LHX6: variants seen among roughly 807,000 people sequenced by gnomAD.
The protein encoded by LHX6 is LIM/homeobox protein Lhx6.
In LHX6, 15 loss-of-function variants were observed where a neutral mutation model predicts 47.1. The observed-to-expected ratio is 0.32, with a 90% CI of 0.21 to 0.49. The LOEUF (loss-of-function observed/expected upper bound fraction) is 0.49, where lower values mean the gene tolerates loss of function less well. Among genes scored for constraint, LHX6 ranks in the 20% least tolerant of loss-of-function variants. The pLI is 0.99. For missense variants in LHX6, 404 were observed against 539.6 expected (o/e 0.75, Z 2.49); for synonymous variants, 242 against 233.5 (o/e 1.04, Z -0.33).
rs1831209058 is a variant in LHX6 at position 122,228,560 on chromosome 9, C to T, written c.84+97G>A. On this transcript the variant is annotated intron_variant, in intron 1 of 9. Transcript: ENST00000394319. ...TCACAGGCGCACCCTCGTACCCCTC[C>T]TTCCTGCAACCGCCCGCCACCCTGC... 1.1e-5 allele frequency: 15 copies of T among 1,349,366 alleles called. No homozygotes were observed. In the South Asian group the frequency reaches 2.5e-4, roughly 23 times the overall value. 83.6% of individuals were successfully genotyped at this position (1,349,366 alleles called of 1,614,324 possible).
chr9:122,204,503 C>G lies in LHX6; in HGVS notation c.*257G>C, dbSNP rs1830095213. On this transcript the variant is annotated 3_prime_UTR_variant, in exon 10 of 10. Coordinates refer to ENST00000394319, the MANE Select transcript of LHX6 (RefSeq NM_014368.5). ...CTCCTGTTTAAATGGGAAAAACAGG[C>G]TGTTTCCACCCTGATTCCAGATTTC... The G allele has an allele frequency of 4.8e-6, 2 of 415,800 alleles. No homozygotes were observed. The highest frequency in any genetic ancestry group is 1.8e-4 in the South Asian group (2 of 11,114). The allele number at this position is 415,800 out of a possible 1,614,324, so 25.8% of individuals were successfully genotyped here. A position where few individuals can be genotyped will look rare whatever the true frequency, so the allele number is the denominator to read the frequency against.
chr9:122,227,018 C>T lies in LHX6; in HGVS notation c.169G>A (p.Ala57Thr), dbSNP rs1831132063. 1.3e-6 allele frequency: 2 copies of T among 1,503,534 alleles called. No individual in the cohort carries two copies. The allele number at this position is 1,503,534 out of a possible 1,614,324, so 93.1% of individuals were successfully genotyped here. A position where few individuals can be genotyped will look rare whatever the true frequency, so the allele number is the denominator to read the frequency against. ...TCCAGAGCTCCTGCCAGGGCCTCGG[C>T]GTCAGACTGAGCCTGCGGCGGGGGA... ...TAPPAMAQSDAEALAGALDKD... is the reference protein window; with the variant it reads ...TAPPAMAQSDTEALAGALDKD... The change falls in exon 3 of 10, where the codon GCC becomes ACC. Residue 57 changes from alanine to threonine, a missense_variant. Physicochemically the swap from Ala to Thr is moderately conservative, Grantham distance 58. Transcript: ENST00000394319.
chr9:122,208,082 C>T (rs1370201381), intron 9 of LHX6, among the ~76,000 whole-genome samples: 2 of 152,140 alleles, frequency 1.3e-5, no homozygotes, highest in African/African-American at 2.4e-5. Context: ...AAGACTGCTA[C>T]AGTGATGTTT....
chr9:122,226,454 A>G lies in LHX6; in HGVS notation c.383T>C (p.Val128Ala). The change falls in exon 4 of 10, where the codon GTG becomes GCG. Residue 128 changes from valine to alanine, a missense_variant. Physicochemically the swap from Val to Ala is moderately conservative, Grantham distance 64 (BLOSUM62 0). Transcript: ENST00000394319. This position sits in a 1 kb window ranked among gnomAD's most constrained non-coding sequence, Gnocchi z 6.5. ...IWHVRCLECSVCRTSLRQQNS... is the reference protein window; with the variant it reads ...IWHVRCLECSACRTSLRQQNS... The stretch of plus-strand genomic sequence containing the variant: ...CTGCTGCCTCAGCGACGTGCGACAC[A>G]CGGAGCACTCGAGGCACCGCACGTG... 6.2e-7 allele frequency: 1 copy of G among 1,613,602 alleles called. No homozygotes were observed. Among genetic ancestry groups the G allele is most frequent in the South Asian group, 1.1e-5 (1 of 91,064 alleles).
Position 122,226,693 on chromosome 9 carries a change from G to A in LHX6, c.339+155C>T, listed in dbSNP as rs930763727. On this transcript the variant is annotated intron_variant, in intron 3 of 9. Coordinates refer to ENST00000394319, the MANE Select transcript of LHX6 (RefSeq NM_014368.5). The surrounding 1 kb of genome is among the most constrained non-coding windows in gnomAD (Gnocchi z 6.5). ...CTTATTTTTCAGACGGAACCCGGGG[G>A]CTCAGGCAGACCCTAAGTCTTGCCC... 2 of 1,201,078 alleles carry A rather than the reference G, an allele frequency of 1.7e-6. No individual in the cohort carries two copies. The highest frequency in any genetic ancestry group is 2.8e-5 in the Admixed American group (1 of 35,324). The allele number at this position is 1,201,078 out of a possible 1,614,324, so 74.4% of individuals were successfully genotyped here.
chr9:122,209,419 G>A (rs1830313255), intron 9 of LHX6, among the ~76,000 whole-genome samples, 195 bp downstream of exon 9: 1 of 152,244 alleles, frequency 6.6e-6, no homozygotes, highest in Non-Finnish European at 1.5e-5. Flanking sequence ...CTTCGGAGTG[G>A]CCATGCACAC....
chr9:122,220,390 A>G (rs1655310396), intron 4 of LHX6, among the ~76,000 whole-genome samples: 1 of 152,166 alleles, frequency 6.6e-6, no homozygotes, highest in African/African-American at 2.4e-5. Context: ...TGCATTGCAG[A>G]CTGCCCTGCA....
Position 122,204,620 on chromosome 9 carries a change from C to T in LHX6, c.*140G>A, listed in dbSNP as rs536307841. ...GAGGGAAAGGCCAGGCCTCGGGAACCGACCTGGTGGTGGGCAGGATGGCGG... is the reference window on the plus strand; with the variant it reads ...GAGGGAAAGGCCAGGCCTCGGGAACTGACCTGGTGGTGGGCAGGATGGCGG... On this transcript the variant is annotated 3_prime_UTR_variant, in exon 10 of 10. Coordinates refer to ENST00000394319, the MANE Select transcript of LHX6 (RefSeq NM_014368.5). The T allele has an allele frequency of 8.9e-6, 9 of 1,015,148 alleles. No individual in the cohort carries two copies. The highest frequency in any genetic ancestry group is 6.5e-5 in the African/African-American group (4 of 61,898). 62.9% of individuals were successfully genotyped at this position (1,015,148 alleles called of 1,614,324 possible). A position where few individuals can be genotyped will look rare whatever the true frequency, so the allele number is the denominator to read the frequency against.
chr9:122,212,200 T>C (rs545425879), intron 8 of LHX6, among the ~76,000 whole-genome samples: 1 of 152,280 alleles, frequency 6.6e-6, no homozygotes, highest in African/African-American at 2.4e-5. Context: ...GATGAGGGAA[T>C]GAGTATGCAA....
rs775881165 is a variant in LHX6, at chr9:122,213,671, A to C, written c.989T>G (p.Ile330Ser). Reference sequence around the variant, plus strand: ...GGGGCTGCTGAACGGGGTGTAGTGGATGTCGTCGGACAGGGCGGAGGGAAG... The same window carrying C: ...GGGGCTGCTGAACGGGGTGTAGTGGCTGTCGTCGGACAGGGCGGAGGGAAG... ...SRLPSALSDD[I>S]HYTPFSSPER... The change falls in exon 8 of 10, where the codon ATC becomes AGC. Residue 330 changes from isoleucine (I) to serine (S), a missense_variant. Ile to Ser is a moderately radical substitution (Grantham distance 142, BLOSUM62 -2). Around this residue, in one of 7 missense-constraint regions of LHX6, gnomAD observed 127 missense variants for 116.1 expected, o/e 1.09. Transcript: ENST00000394319. This position sits in a 1 kb window ranked among gnomAD's most constrained non-coding sequence, Gnocchi z 5.5. 1.2e-6 allele frequency: 2 copies of C among 1,612,430 alleles called. No homozygotes were observed. Among genetic ancestry groups the C allele is most frequent in the Non-Finnish European group, 1.7e-6 (2 of 1,179,742 alleles).
intron 4 of LHX6, among the ~76,000 whole-genome samples, chr9:122,218,080 C>T (rs1018382942): frequency 6.6e-6 from 1 of 152,148 alleles, no homozygotes; most frequent in Non-Finnish European, 1.5e-5. Flanking sequence ...GCCCCTCAAG[C>T]CTTCCTTGAT....
chr9:122,225,694 C>G (rs1333054456), intron 4 of LHX6, among the ~76,000 whole-genome samples: 3 of 152,272 alleles, frequency 2.0e-5, no homozygotes, highest in Non-Finnish European at 4.4e-5. Context: ...CTGGAACAGG[C>G]GCTGGGGGCC....
In LHX6 at chr9:122,214,078, C is replaced by T. The variant is rs745902525; in HGVS notation, c.784-9G>A. 9.4e-6 allele frequency: 15 copies of T among 1,597,372 alleles called. No homozygotes were observed. Among genetic ancestry groups the T allele is most frequent in the Middle Eastern group, 1.8e-4 (1 of 5,674 alleles). The stretch of plus-strand genomic sequence containing the variant: ...AACTGCGCCTGCATAACCTGCGGGG[C>T]GGGGAGGGCGGTGAGGCGCTCGCAC... On this transcript the variant is annotated splice_polypyrimidine_tract_variant and intron_variant, in intron 6 of 9. Coordinates refer to ENST00000394319, the MANE Select transcript of LHX6 (RefSeq NM_014368.5). This position sits in a 1 kb window ranked among gnomAD's most constrained non-coding sequence, Gnocchi z 4.6.
In LHX6 at chr9:122,226,732, C is replaced by A; in HGVS notation, c.339+116G>T. The stretch of plus-strand genomic sequence containing the variant: ...TAAGTCTTGCCCAAAGCTTCGCAGT[C>A]GGGCAGCAGTGGAGCCAGGATTTGG... On this transcript the variant is annotated intron_variant, in intron 3 of 9. Transcript: ENST00000394319. This position sits in a 1 kb window ranked among gnomAD's most constrained non-coding sequence, Gnocchi z 6.5. The A allele has an allele frequency of 7.7e-7, 1 of 1,300,438 alleles. No homozygotes were observed. The highest frequency in any genetic ancestry group is 1.0e-6 in the Non-Finnish European group (1 of 961,386). The allele number at this position is 1,300,438 out of a possible 1,614,324, so 80.6% of individuals were successfully genotyped here. A position where few individuals can be genotyped will look rare whatever the true frequency, so the allele number is the denominator to read the frequency against.
intron 9 of LHX6, among the ~76,000 whole-genome samples, chr9:122,205,761 C>T (rs1396213819): frequency 1.3e-5 from 2 of 152,160 alleles, no homozygotes; most frequent in African/African-American, 2.4e-5. Context: ...GGGCTCCTTA[C>T]ACACATTATG....
At chr9:122,225,616 G>A (rs1831061401) in intron 4 of LHX6, among the ~76,000 whole-genome samples, 1 of 152,260 alleles carries the variant, frequency 6.6e-6, no homozygotes, top group Admixed American at 6.5e-5. Flanking sequence ...TCCCATCCTG[G>A]CGGCCTAAAG....
In LHX6 at chr9:122,227,459, C is replaced by G. The variant is rs368987512; in HGVS notation, c.106G>C (p.Gly36Arg). ...TDQVMAQPGS[G>R]CKATTRCLEG... ...AGACAGCGGGTGGTCGCTTTGCAGC[C>G]GGACCCTGGCTGGGCCATCACCTGG... is the stretch of plus-strand genomic sequence containing the variant. The change falls in exon 2 of 10, where the codon GGC becomes CGC. Residue 36 changes from glycine (G) to arginine (R), a missense_variant. This residue lies in a region of LHX6 where 144 missense variants were observed against 128.7 expected (regional missense o/e 1.12). Transcript: ENST00000394319. The G allele has an allele frequency of 1.9e-5, 24 of 1,272,480 alleles. No homozygotes were observed. Among genetic ancestry groups the G allele is most frequent in the Non-Finnish European group, 2.4e-5 (23 of 977,540 alleles). 78.8% of individuals were successfully genotyped at this position (1,272,480 alleles called of 1,614,324 possible).
chr9:122,214,086 G>A lies in LHX6; in HGVS notation c.784-17C>T. ...CTGCATAACCTGCGGGGCGGGGAGG[G>A]CGGTGAGGCGCTCGCACGCAGAGAC... On this transcript the variant is annotated splice_polypyrimidine_tract_variant and intron_variant, in intron 6 of 9. Transcript: ENST00000394319. The surrounding 1 kb of genome is among the most constrained non-coding windows in gnomAD (Gnocchi z 4.6). 6.3e-7 allele frequency: 1 copy of A among 1,592,138 alleles called. No individual in the cohort carries two copies.
At chr9:122,225,124 GCCTTCCA>G (rs966808718) in intron 4 of LHX6, among the ~76,000 whole-genome samples, 140 of 152,238 alleles carry the variant, frequency 9.2e-4, no homozygotes, top group Non-Finnish European at 1.4e-3. Context: ...GGAGGAGATC[GCCTTCCA>G]CCATATTCCC....
Sources: gnomAD v4.1 joint callset for allele counts (sites outside exome capture counted in the v4.1 genomes callset) on GRCh38, gnomAD v4.1.1 for gene constraint, gnomAD v4.1.1 regional missense constraint, Gnocchi (gnomAD v3.1) non-coding constraint, MANE v1.5 for transcripts, NCBI Gene and HGNC (gene_info 2026-07-23, HGNC 2026-07-21) for gene names.